SPATS2L: variants seen among roughly 807,000 people sequenced by gnomAD.
SPATS2L encodes spermatogenesis associated serine rich 2 like, also known as SPATS2-like protein.
In SPATS2L, 30 loss-of-function variants were observed where a neutral mutation model predicts 59.6. The ratio of observed to expected loss-of-function variants is 0.50; its 90% CI spans 0.38 to 0.68. SPATS2L has a LOEUF of 0.68. Ranked by LOEUF, SPATS2L falls within the 30% of genes least tolerant of loss-of-function variation. The pLI, the probability that SPATS2L is intolerant of heterozygous loss-of-function variation, is 0.00. For synonymous variants in SPATS2L, 252 were observed against 263.5 expected (o/e 0.96, Z 0.42); for missense variants, 615 against 700.0 (o/e 0.88, Z 1.37).
intron 1 of SPATS2L, among the ~76,000 whole-genome samples, chr2:200,307,990 A>G (rs1652970884): frequency 6.7e-6 from 1 of 150,314 alleles, no homozygotes; most frequent in South Asian, 2.2e-4. Flanking sequence ...ATATTAAAAT[A>G]TGTACCAGCC....
chr2:200,440,943 G>T (rs2084656433), intron 8 of SPATS2L, among the ~76,000 whole-genome samples, 159 bp downstream of exon 8: 1 of 152,110 alleles, frequency 6.6e-6, no homozygotes, highest in Non-Finnish European at 1.5e-5. Flanking sequence ...CATGTATCTT[G>T]GGAATAAAAA....
At chr2:200,380,046 T>C (rs983790701) in intron 2 of SPATS2L, among the ~76,000 whole-genome samples, 3 of 152,164 alleles carry the variant, frequency 2.0e-5, no homozygotes, top group Non-Finnish European at 2.9e-5. Context: ...TTTATTTATA[T>C]TCTCAAGCCA....
At chr2:200,389,336 T>A in intron 3 of SPATS2L, 53 bp downstream of exon 3, 1 of 1,311,894 alleles carries the variant, frequency 7.6e-7, no homozygotes, top group Non-Finnish European at 1.1e-6. Context: ...GGTAATGCAG[T>A]TCCTAGCAGG....
intron 3 of SPATS2L, among the ~76,000 whole-genome samples, chr2:200,403,551 T>C (rs954783427): frequency 5.3e-5 from 8 of 152,192 alleles, no homozygotes; most frequent in African/African-American, 1.9e-4. Flanking sequence ...ACATCTGTTC[T>C]TTCTTGTCCC....
At chr2:200,378,676 T>C (rs1000975224) in intron 2 of SPATS2L, among the ~76,000 whole-genome samples, 19 of 152,334 alleles carry the variant, frequency 1.2e-4, no homozygotes, top group African/African-American at 4.6e-4. Flanking sequence ...TGTGAGTTTG[T>C]TGGAACAGAG....
chr2:200,477,785 C>T lies in SPATS2L; in HGVS notation c.1431C>T (p.Asn477=), dbSNP rs771168441. 34 of 1,577,308 alleles carry T rather than the reference C, an allele frequency of 2.2e-5. No homozygotes were observed. The highest frequency in any genetic ancestry group is 1.7e-4 in the Middle Eastern group (1 of 6,044). ...ACGAACACAGAAGACAGCCGCACAA[C>T]GGCTTCCGGCCCAAAAACAAAGGCG... ...SRHEHRRQPH[N]GFRPKNKGGA... is the part of the protein sequence containing the mutation. Residue 477 remains asparagine, a synonymous_variant, in exon 13 of 13, where the codon AAC becomes AAT. Transcript: ENST00000409140.
At chr2:200,398,782 C>T (rs751666460) in intron 3 of SPATS2L, among the ~76,000 whole-genome samples, 5 of 152,144 alleles carry the variant, frequency 3.3e-5, no homozygotes, top group African/African-American at 7.2e-5. Context: ...GACTGTGCTG[C>T]GGATCAGAGA....
chr2:200,363,046 G>T (rs1222928721), intron 2 of SPATS2L, among the ~76,000 whole-genome samples: 1 of 152,086 alleles, frequency 6.6e-6, no homozygotes, highest in Admixed American at 6.6e-5. Context: ...TTTAGGCCAC[G>T]GAAGCCGTAC....
At chr2:200,325,185 T>G (rs1405639465) in intron 1 of SPATS2L, among the ~76,000 whole-genome samples, 1 of 152,200 alleles carries the variant, frequency 6.6e-6, no homozygotes, top group Admixed American at 6.5e-5. Flanking sequence ...TTATTTTGCT[T>G]TCTTTAATCA....
chr2:200,446,440 C>T (rs1278594787), intron 8 of SPATS2L, among the ~76,000 whole-genome samples: 1 of 152,136 alleles, frequency 6.6e-6, no homozygotes, highest in Non-Finnish European at 1.5e-5. Context: ...CAGTGGTTCT[C>T]AATGGGACAA....
intron 8 of SPATS2L, among the ~76,000 whole-genome samples, chr2:200,453,797 C>G (rs568316638): frequency 3.2e-4 from 48 of 152,270 alleles, no homozygotes; most frequent in African/African-American, 1.2e-3. Flanking sequence ...CCACTCTTTT[C>G]TTTTTAGTGA....
chr2:200,385,723 C>T (rs370174116), intron 2 of SPATS2L, among the ~76,000 whole-genome samples: 6 of 151,902 alleles, frequency 3.9e-5, no homozygotes, highest in South Asian at 2.1e-4. Context: ...GATGGAGTCT[C>T]GCTCTGTCGC....
At chr2:200,369,308 A>G (rs2081355591) in intron 2 of SPATS2L, among the ~76,000 whole-genome samples, 1 of 152,128 alleles carries the variant, frequency 6.6e-6, no homozygotes, top group Admixed American at 6.5e-5. Context: ...ACAGGTTTGC[A>G]CCACCATGCC....
chr2:200,325,668 C>T (rs754851161), intron 1 of SPATS2L, among the ~76,000 whole-genome samples: 1 of 152,038 alleles, frequency 6.6e-6, no homozygotes, highest in Non-Finnish European at 1.5e-5. Context: ...TGTGAGCCAC[C>T]GCCCTGGCCA....
intron 1 of SPATS2L, among the ~76,000 whole-genome samples, chr2:200,326,901 ATTTTTTTT>A (rs755351538): frequency 5.0e-5 from 5 of 99,074 alleles, no homozygotes; most frequent in Admixed American, 1.3e-4. Flanking sequence ...TGCCCGGCTA[ATTTTTTTT>A]TTTTTTTTTT....
At chr2:200,476,908 C>T (rs1325564481) in intron 12 of SPATS2L, among the ~76,000 whole-genome samples, 1 of 152,024 alleles carries the variant, frequency 6.6e-6, no homozygotes, top group Admixed American at 6.5e-5. Context: ...TGGCTCTCAG[C>T]AGGAGGGAGA....
chr2:200,384,609 C>T (rs2081932907), intron 2 of SPATS2L, among the ~76,000 whole-genome samples: 1 of 152,194 alleles, frequency 6.6e-6, no homozygotes, highest in Non-Finnish European at 1.5e-5. Flanking sequence ...ACCTCGGCCT[C>T]CCAAAGTGCT....
intron 7 of SPATS2L, 116 bp downstream of exon 7, chr2:200,439,444 T>C: frequency 2.4e-6 from 2 of 841,748 alleles, no homozygotes; most frequent in South Asian, 3.4e-5. Flanking sequence ...CACATGAAAT[T>C]GCATTTTTTT....
At chr2:200,360,253 G>T (rs945955245) in intron 2 of SPATS2L, among the ~76,000 whole-genome samples, 2 of 152,154 alleles carry the variant, frequency 1.3e-5, no homozygotes, top group Non-Finnish European at 2.9e-5. Flanking sequence ...TTGTTTACTA[G>T]TTTCCTACAG....
Sources: allele counts gnomAD v4.1 joint callset (sites outside exome capture counted in the v4.1 genomes callset), GRCh38; gene constraint gnomAD v4.1.1; transcripts MANE v1.5; gene names NCBI Gene and HGNC (gene_info 2026-07-23, HGNC 2026-07-21).